MUC5B: variants seen among roughly 807,000 people sequenced by gnomAD.
The protein encoded by MUC5B is mucin-5B.
A neutral mutation model predicts 376.9 loss-of-function variants in MUC5B; 116 were observed. The ratio of observed to expected loss-of-function variants is 0.31; its 90% CI spans 0.26 to 0.36. The LOEUF is 0.36. MUC5B is among the 10% of genes least tolerant of loss of function. The probability of loss-of-function intolerance (pLI) is 1.00; values close to 1 mark genes in which losing one functional copy is unlikely to be tolerated. For synonymous variants in MUC5B, 3,517 were observed against 3,390.9 expected (o/e 1.04, Z -1.29); for missense variants, 7,165 against 7,769.9 (o/e 0.92, Z 2.93).
In MUC5B at chr11:1,250,964, A is replaced by G; in HGVS notation, c.14084A>G (p.Asn4695Ser). Residue 4695 changes from asparagine to serine, a missense_variant, in exon 31 of 49, where the codon AAC becomes AGC. Transcript: ENST00000529681. The stretch of plus-strand genomic sequence containing the variant: ...ATCACGGCCACCGGCTCCACCACCA[A>G]CCCCTCCTCAACTCCAGGGACAACA... ...TTITATGSTT[N>S]PSSTPGTTPI... 1 of 1,599,804 alleles carries G rather than the reference A, an allele frequency of 6.3e-7. No individual in the cohort carries two copies. The highest frequency in any genetic ancestry group is 8.5e-7 in the Non-Finnish European group (1 of 1,174,220).
Position 1,255,050 on chromosome 11 carries a change from C to T in MUC5B, c.15674C>T (p.Thr5225Ile). 6.3e-7 allele frequency: 1 copy of T among 1,591,326 alleles called. No individual in the cohort carries two copies. Among genetic ancestry groups the T allele is most frequent in the Non-Finnish European group, 8.5e-7 (1 of 1,169,800 alleles). ...ACGCCCCCACTCCCAGGCACCTGCACCAACAACCAGAGGGACGACTGTCTC... is the reference window on the plus strand; with the variant it reads ...ACGCCCCCACTCCCAGGCACCTGCATCAACAACCAGAGGGACGACTGTCTC... ...NNTEGQCGTC[T>I]NNQRDDCLQR... The change falls in exon 36 of 49, where the codon ACC becomes ATC. Residue 5225 changes from threonine to isoleucine, a missense_variant. Physicochemically the swap from Thr to Ile is moderately conservative, Grantham distance 89 (BLOSUM62 -1). Around this residue, in one of 31 missense-constraint regions of MUC5B, gnomAD observed 842 missense variants for 1,016.9 expected, o/e 0.83. Coordinates refer to ENST00000529681, the MANE Select transcript of MUC5B (RefSeq NM_002458.3).
chr11:1,236,758 A>G (rs1406870782), intron 24 of MUC5B, among the ~76,000 whole-genome samples, 167 bp from the exon 25 acceptor site: 2 of 152,082 alleles, frequency 1.3e-5, no homozygotes, highest in Non-Finnish European at 2.9e-5. Flanking sequence ...CCACCCAGGG[A>G]CCCACTGCAC....
At chr11:1,224,826 C>T (rs1028387109) in intron 1 of MUC5B, among the ~76,000 whole-genome samples, 10 of 152,122 alleles carry the variant, frequency 6.6e-5, no homozygotes, top group South Asian at 2.1e-4. Flanking sequence ...ACCACAGGGC[C>T]GGCCCCTCGC....
At chr11:1,227,002 C>A in intron 4 of MUC5B, 29 bp from the exon 5 acceptor site, 1 of 1,590,196 alleles carries the variant, frequency 6.3e-7, no homozygotes, top group Non-Finnish European at 8.6e-7. Flanking sequence ...GAGAGCGGGG[C>A]CCAGGGAGAG....
chr11:1,244,205 C>A lies in MUC5B; in HGVS notation c.7325C>A (p.Thr2442Lys). 1 of 1,612,470 alleles carries A rather than the reference C, an allele frequency of 6.2e-7. No homozygotes were observed. Among genetic ancestry groups the A allele is most frequent in the Non-Finnish European group, 8.5e-7 (1 of 1,178,862 alleles). Reference protein sequence around the residue: ...TTWILTELTTTATTTESTGST... With the variant: ...TTWILTELTTKATTTESTGST... ...TGGATCCTCACAGAGCTGACCACAA[C>A]AGCCACTACGACTGAGTCCACTGGA... is the stretch of plus-strand genomic sequence containing the variant. Residue 2442 changes from threonine (T) to lysine (K), a missense_variant, in exon 31 of 49, where the codon ACA (threonine) becomes AAA (lysine). Thr to Lys is a moderately conservative substitution (Grantham distance 78). This residue lies in a region of MUC5B where 194 missense variants were observed against 268.5 expected (regional missense o/e 0.72). Coordinates refer to ENST00000529681, the MANE Select transcript of MUC5B (RefSeq NM_002458.3).
In MUC5B at chr11:1,242,660, C is replaced by A; in HGVS notation, c.5780C>A (p.Thr1927Asn). Residue 1927 changes from threonine (T) to asparagine (N), a missense_variant, in exon 31 of 49, where the codon ACC (threonine) becomes AAC (asparagine). Physicochemically the swap from Thr to Asn is moderately conservative, Grantham distance 65. Around this residue, in one of 31 missense-constraint regions of MUC5B, gnomAD observed 897 missense variants for 779.6 expected, o/e 1.15. Coordinates refer to ENST00000529681, the MANE Select transcript of MUC5B (RefSeq NM_002458.3). The stretch of plus-strand genomic sequence containing the variant: ...TCCACTGGATCCACGGCCACCCCGA[C>A]CTCCACCCTGAGAACAGCTCCCCCT... ...TASTGSTATP[T>N]STLRTAPPPK... 1.2e-6 allele frequency: 2 copies of A among 1,613,698 alleles called. No homozygotes were observed. Among genetic ancestry groups the A allele is most frequent in the Non-Finnish European group, 1.7e-6 (2 of 1,179,766 alleles).
chr11:1,231,570 G>T lies in MUC5B; in HGVS notation c.1678+10G>T, dbSNP rs191837212. On this transcript the variant is annotated intron_variant, in intron 14 of 48. Coordinates refer to ENST00000529681, the MANE Select transcript of MUC5B (RefSeq NM_002458.3). ...CAGGGCCAGATGTGCGGTGAGGCTG[G>T]GCAGGGGCCTTCGGGGACAGGGCCA... 7.0e-4 allele frequency: 1,098 copies of T among 1,563,212 alleles called. 6 individuals are homozygous for T. The African/African-American group carries it at 0.013, about 18-fold the overall frequency.
Position 1,253,813 on chromosome 11 carries a change from A to T in MUC5B, c.15218-279A>T, listed in dbSNP as rs117364146. On this transcript the variant is annotated intron_variant, in intron 33 of 48. Transcript: ENST00000529681. This position sits in a 1 kb window ranked among gnomAD's most constrained non-coding sequence, Gnocchi z 4.3. ...CATTGGATTGAGGGCCCACCCAGCT[A>T]GTCCACGATGATGTCATTTCAAGAT... is the stretch of plus-strand genomic sequence containing the variant. Among the ~76,000 whole-genome samples the T allele has an allele frequency of 0.025, 3,806 of 152,274 alleles. 63 individuals carry two copies. Among genetic ancestry groups the T allele is most frequent in the Non-Finnish European group, 0.033 (2,227 of 68,010 alleles).
rs201750183 is a variant in MUC5B at position 1,243,506 on chromosome 11, C to T, written c.6626C>T (p.Thr2209Met). The T allele has an allele frequency of 2.9e-4, 456 of 1,596,306 alleles. 9 individuals carry two copies. The East Asian group carries it at 5.5e-3, about 19-fold the overall frequency. The change falls in exon 31 of 49, where the codon ACG becomes ATG. Residue 2209 changes from threonine to methionine, a missense_variant. By Grantham distance (81) the Thr-to-Met change is moderately conservative. This residue lies in a region of MUC5B where 67 missense variants were observed against 103.0 expected (regional missense o/e 0.65). Coordinates refer to ENST00000529681, the MANE Select transcript of MUC5B (RefSeq NM_002458.3). ...TCCCTGCCCCCCAGCAGTCCCCACA[C>T]GGTGCGCACAGCCTGGACTTCGGCC... ...GRSLPPSSPH[T>M]VRTAWTSATS...
In MUC5B at chr11:1,255,047, G is replaced by A; in HGVS notation, c.15671G>A (p.Cys5224Tyr). 6.3e-7 allele frequency: 1 copy of A among 1,589,972 alleles called. No individual in the cohort carries two copies. The highest frequency in any genetic ancestry group is 8.6e-7 in the Non-Finnish European group (1 of 1,169,092). Reference sequence around the variant, plus strand: ...GTGACGCCCCCACTCCCAGGCACCTGCACCAACAACCAGAGGGACGACTGT... The same window carrying A: ...GTGACGCCCCCACTCCCAGGCACCTACACCAACAACCAGAGGGACGACTGT... ...HNNTEGQCGTCTNNQRDDCLQ... is the reference protein window; with the variant it reads ...HNNTEGQCGTYTNNQRDDCLQ... The change falls in exon 36 of 49, where the codon TGC (cysteine) becomes TAC (tyrosine). Residue 5224 changes from cysteine (C) to tyrosine (Y), a missense_variant. By Grantham distance (194) the Cys-to-Tyr change is radical. Around this residue, in one of 31 missense-constraint regions of MUC5B, gnomAD observed 842 missense variants for 1,016.9 expected, o/e 0.83. Coordinates refer to ENST00000529681, the MANE Select transcript of MUC5B (RefSeq NM_002458.3).
chr11:1,238,381 G>A (rs966661278), intron 25 of MUC5B, among the ~76,000 whole-genome samples: 6 of 152,218 alleles, frequency 3.9e-5, no homozygotes, highest in Admixed American at 2.0e-4. Context: ...CTAGGATGTG[G>A]AGGGCCCTGG....
chr11:1,229,162 T>C lies in MUC5B; in HGVS notation c.977-8T>C. 1 of 1,581,686 alleles carries C rather than the reference T, an allele frequency of 6.3e-7. No individual in the cohort carries two copies. The highest frequency in any genetic ancestry group is 8.6e-7 in the Non-Finnish European group (1 of 1,169,036). On this transcript the variant is annotated splice_polypyrimidine_tract_variant and splice_region_variant and intron_variant, in intron 8 of 48. Transcript: ENST00000529681. ...TCCCCTGGCCCAGCCCCACCTCCTT[T>C]TGCGCAGCCCGGACCTGCCCCCTCA...
In MUC5B at chr11:1,247,460, C is replaced by T. The variant is rs775525257; in HGVS notation, c.10580C>T (p.Thr3527Met). 32 of 1,609,272 alleles carry T rather than the reference C, an allele frequency of 2.0e-5. 1 individual carries two copies. The highest frequency in any genetic ancestry group is 5.5e-5 in the South Asian group (5 of 90,878). The change falls in exon 31 of 49, where the codon ACG (threonine) becomes ATG (methionine). Residue 3527 changes from threonine (T) to methionine (M), a missense_variant. Around this residue, in one of 31 missense-constraint regions of MUC5B, gnomAD observed 939 missense variants for 770.6 expected, o/e 1.22. Transcript: ENST00000529681. ...RTTESPPSPGTTTPGHTRGTS... is the reference protein window; with the variant it reads ...RTTESPPSPGMTTPGHTRGTS... ...ACCGAGTCACCCCCTTCTCCAGGGA[C>T]GACCACCCCGGGCCACACCAGGGGC... is the stretch of plus-strand genomic sequence containing the variant.
intron 11 of MUC5B, 76 bp from the exon 12 acceptor site, chr11:1,230,414 C>A: frequency 7.4e-7 from 1 of 1,358,098 alleles, no homozygotes. Context: ...CCCACATGGG[C>A]ATCCCCAGCA....
Position 1,250,364 on chromosome 11 carries a change from C to T in MUC5B, c.13484C>T (p.Ala4495Val), listed in dbSNP as rs1223071116. The change falls in exon 31 of 49, where the codon GCC becomes GTC. Residue 4495 changes from alanine (A) to valine (V), a missense_variant. Coordinates refer to ENST00000529681, the MANE Select transcript of MUC5B (RefSeq NM_002458.3). The stretch of plus-strand genomic sequence containing the variant: ...ACACCCACAGTCACCAGCTCCAAAG[C>T]CACTCCCTCCTCCAGTCCAGGGACT... Reference protein sequence around the residue: ...ATTPTVTSSKATPSSSPGTAT... With the variant: ...ATTPTVTSSKVTPSSSPGTAT... The T allele has an allele frequency of 1.2e-6, 2 of 1,613,430 alleles. No individual in the cohort carries two copies. The highest frequency in any genetic ancestry group is 2.7e-5 in the African/African-American group (2 of 74,808).
rs1270913680 is a variant in MUC5B at position 1,228,682 on chromosome 11, C to T, written c.893C>T (p.Pro298Leu). The change falls in exon 8 of 49, where the codon CCG becomes CTG. Residue 298 changes from proline (P) to leucine (L), a missense_variant. This residue lies in a region of MUC5B where 640 missense variants were observed against 733.0 expected (regional missense o/e 0.87). Transcript: ENST00000529681. ...GACCTGTGCCGCTGCCCCACCTGCCCGTGTGCCACCTTTGTGGAATACTCA... is the reference window on the plus strand; with the variant it reads ...GACCTGTGCCGCTGCCCCACCTGCCTGTGTGCCACCTTTGTGGAATACTCA... ...AQDLCRCPTC[P>L]CATFVEYSRQ... is the part of the protein sequence containing the mutation. The T allele has an allele frequency of 1.9e-5, 29 of 1,534,368 alleles. No individual in the cohort carries two copies. The East Asian group carries it at 2.0e-4, about 10-fold the overall frequency.
chr11:1,245,047 G>A lies in MUC5B; in HGVS notation c.8167G>A (p.Ala2723Thr), dbSNP rs771972884. Residue 2723 changes from alanine to threonine, a missense_variant, in exon 31 of 49, where the codon GCC (alanine) becomes ACC (threonine). Around this residue, in one of 31 missense-constraint regions of MUC5B, gnomAD observed 70 missense variants for 169.1 expected, o/e 0.41. Coordinates refer to ENST00000529681, the MANE Select transcript of MUC5B (RefSeq NM_002458.3). ...TATCCCCCCAGTGCTGACCACCACC[G>A]CCACCACACCTGCAGCCACCAGCAG... Reference protein sequence around the residue: ...TPIPPVLTTTATTPAATSSTV... With the variant: ...TPIPPVLTTTTTTPAATSSTV... 38 of 1,542,796 alleles carry A rather than the reference G, an allele frequency of 2.5e-5. No homozygotes were observed. In the Middle Eastern group the frequency reaches 7.5e-4, roughly 31 times the overall value.
Position 1,260,663 on chromosome 11 carries a change from G to C in MUC5B, c.17004G>C (p.Trp5668Cys). The C allele has an allele frequency of 6.2e-7, 1 of 1,612,682 alleles. No individual in the cohort carries two copies. Among genetic ancestry groups the C allele is most frequent in the South Asian group, 1.1e-5 (1 of 91,062 alleles). Residue 5668 changes from tryptophan to cysteine, a missense_variant, in exon 48 of 49, where the codon TGG (tryptophan) becomes TGC (cysteine). Trp to Cys is a radical substitution (Grantham distance 215, BLOSUM62 -2). Around this residue, in one of 31 missense-constraint regions of MUC5B, gnomAD observed 842 missense variants for 1,016.9 expected, o/e 0.83. Coordinates refer to ENST00000529681, the MANE Select transcript of MUC5B (RefSeq NM_002458.3). The part of the protein sequence containing the change: ...CQVRINTTIL[W>C]HQGCETEVNI... The stretch of plus-strand genomic sequence containing the variant: ...TCCGCATCAACACGACCATCCTGTG[G>C]CACCAGGGCTGCGAGACCGAGGTCA...
At position 1,246,339 on chromosome 11, in the gene MUC5B, C is replaced by T. The variant is rs1862466356; in HGVS notation, c.9459C>T (p.Thr3153=). The T allele has an allele frequency of 1.9e-6, 3 of 1,602,798 alleles. No individual in the cohort carries two copies. The highest frequency in any genetic ancestry group is 1.1e-5 in the South Asian group (1 of 90,210). ...CTGCAGCCACTGGCCCCACGGCCAC[C>T]CCGTCCTCCACCCCAGGGACCACCT... ...TTTAATGPTA[T]PSSTPGTTWI... is the part of the protein sequence containing the mutation. The change falls in exon 31 of 49, where the codon ACC becomes ACT. Residue 3153 remains threonine, a synonymous_variant. Transcript: ENST00000529681.
Sources: gnomAD v4.1 joint callset for allele counts (sites outside exome capture counted in the v4.1 genomes callset) on GRCh38, gnomAD v4.1.1 for gene constraint, gnomAD v4.1.1 regional missense constraint, Gnocchi (gnomAD v3.1) non-coding constraint, MANE v1.5 for transcripts, NCBI Gene and HGNC (gene_info 2026-07-23, HGNC 2026-07-21) for gene names.